The following SPAG16 variants were observed in gnomAD, a reference collection of about 807,000 sequenced individuals.
The protein encoded by SPAG16 is sperm-associated antigen 16 protein.
In SPAG16, 86 loss-of-function variants were observed where a neutral mutation model predicts 80.4. That is an observed-to-expected ratio of 1.07 (90% CI 0.90 to 1.28). The LOEUF is 1.28. Ranked by LOEUF, SPAG16 falls within the 50% of genes most tolerant of loss-of-function variation. SPAG16 has a pLI of 0.00. For missense variants in SPAG16, 870 were observed against 765.3 expected (o/e 1.14, Z -1.61); for synonymous variants, 294 against 265.9 (o/e 1.11, Z -1.03).
intron 10 of SPAG16, among the ~76,000 whole-genome samples, chr2:213,770,325 G>T (rs1016701272): frequency 5.9e-5 from 9 of 151,936 alleles, no homozygotes; most frequent in African/African-American, 2.2e-4. Flanking sequence ...ATCATGATAG[G>T]TGCATGTTTA....
chr2:213,894,430 A>G (rs563709361), intron 11 of SPAG16, among the ~76,000 whole-genome samples: 2 of 152,284 alleles, frequency 1.3e-5, no homozygotes, highest in East Asian at 3.9e-4. Context: ...TGGATGTAGA[A>G]GGAACATGCC....
intron 12 of SPAG16, among the ~76,000 whole-genome samples, chr2:213,980,633 G>T (rs1289945627): frequency 7.0e-6 from 1 of 143,122 alleles, no homozygotes; most frequent in Non-Finnish European, 1.5e-5. Flanking sequence ...TAGAATATAT[G>T]TGTGTATATA....
chr2:214,023,140 T>C (rs2047962532), intron 13 of SPAG16, among the ~76,000 whole-genome samples: 1 of 151,986 alleles, frequency 6.6e-6, no homozygotes, highest in African/African-American at 2.4e-5. Flanking sequence ...TGGGTATCTC[T>C]GTAGCTTGCA....
intron 8 of SPAG16, among the ~76,000 whole-genome samples, chr2:213,366,640 C>A (rs2066306157): frequency 6.6e-6 from 1 of 152,118 alleles, no homozygotes; most frequent in African/African-American, 2.4e-5. Flanking sequence ...TCAAATACCT[C>A]CCACCTGGTC....
At chr2:214,189,644 G>T (rs550217312) in intron 15 of SPAG16, among the ~76,000 whole-genome samples, 66 of 151,666 alleles carry the variant, frequency 4.4e-4, no homozygotes, top group Middle Eastern at 3.4e-3. Context: ...ATTTTTTTTT[G>T]TATTGAATGC....
intron 12 of SPAG16, among the ~76,000 whole-genome samples, chr2:213,982,020 T>A (rs1406141900): frequency 6.6e-6 from 1 of 151,488 alleles, no homozygotes; most frequent in Admixed American, 6.6e-5. Context: ...AGAGAAAATA[T>A]TGACTATACT....
At chr2:213,699,525 T>C (rs1463775220) in intron 10 of SPAG16, among the ~76,000 whole-genome samples, 1 of 152,162 alleles carries the variant, frequency 6.6e-6, no homozygotes, top group Non-Finnish European at 1.5e-5. Context: ...ACTAATAATA[T>C]GGGCTAATGG....
At chr2:214,174,074 C>G (rs562725988) in intron 15 of SPAG16, among the ~76,000 whole-genome samples, 2 of 152,058 alleles carry the variant, frequency 1.3e-5, no homozygotes, top group East Asian at 3.9e-4. Flanking sequence ...TGGGACGTAT[C>G]TCAAAATAAT....
At chr2:213,871,296 G>A (rs542869577) in intron 11 of SPAG16, among the ~76,000 whole-genome samples, 1 of 152,142 alleles carries the variant, frequency 6.6e-6, no homozygotes, top group South Asian at 2.1e-4. Context: ...GAATATGGGG[G>A]GAGAGGAGGG....
chr2:214,148,166 G>T lies in SPAG16; in HGVS notation c.1594-974G>T, dbSNP rs949749430. 4.6e-5 allele frequency among the ~76,000 whole-genome samples: 7 copies of T among 152,126 alleles called. No homozygotes were observed. The East Asian group carries it at 1.3e-3, about 29-fold the overall frequency. ...CTCATTCAATTTGTGAGTGGACAAA[G>T]AAATTAAATGACCAGAATGATGAGA... On this transcript the variant is annotated intron_variant, in intron 14 of 15. Transcript: ENST00000331683.
intron 11 of SPAG16, among the ~76,000 whole-genome samples, chr2:213,904,796 A>G (rs2077370382): frequency 6.6e-6 from 1 of 152,018 alleles, no homozygotes. Flanking sequence ...ATGTGGCTAG[A>G]GTAGAAGGAA....
chr2:214,188,185 G>C (rs1374631316), intron 15 of SPAG16, among the ~76,000 whole-genome samples: 1 of 152,108 alleles, frequency 6.6e-6, no homozygotes, highest in Non-Finnish European at 1.5e-5. Context: ...GCCAAGGCTA[G>C]AATGAAAGTC....
chr2:213,442,470 T>C (rs1274841584), intron 9 of SPAG16, among the ~76,000 whole-genome samples: 1 of 152,126 alleles, frequency 6.6e-6, no homozygotes, highest in Non-Finnish European at 1.5e-5. Flanking sequence ...CAACACAGTA[T>C]GAAGGAGAAC....
At chr2:214,247,676 A>G (rs1689944468) in intron 15 of SPAG16, among the ~76,000 whole-genome samples, 1 of 152,162 alleles carries the variant, frequency 6.6e-6, no homozygotes, top group African/African-American at 2.4e-5. Context: ...TGGACTAGGT[A>G]TATGGGAGGA....
At chr2:213,311,391 G>A (rs2063180171) in intron 4 of SPAG16, among the ~76,000 whole-genome samples, 1 of 151,690 alleles carries the variant, frequency 6.6e-6, no homozygotes, top group Non-Finnish European at 1.5e-5. Context: ...GACATGTGAT[G>A]CTTATATGTT....
chr2:213,494,365 G>A (rs2074393003), intron 10 of SPAG16, among the ~76,000 whole-genome samples: 1 of 152,250 alleles, frequency 6.6e-6, no homozygotes. Context: ...TCCCCCAAAA[G>A]ACCTAATCTT....
At chr2:213,620,660 G>A (rs1279165816) in intron 10 of SPAG16, among the ~76,000 whole-genome samples, 1 of 152,058 alleles carries the variant, frequency 6.6e-6, no homozygotes, top group Non-Finnish European at 1.5e-5. Flanking sequence ...TTTGATAAAT[G>A]TTTGAGGTTA....
chr2:213,588,283 G>A (rs564446312), intron 10 of SPAG16, among the ~76,000 whole-genome samples: 85 of 151,962 alleles, frequency 5.6e-4, no homozygotes, highest in African/African-American at 2.0e-3. Context: ...TTTATATGTT[G>A]TTCATTACTA....
At chr2:213,285,058 A>G (rs2062005143) in intron 1 of SPAG16, among the ~76,000 whole-genome samples, 2 of 152,212 alleles carry the variant, frequency 1.3e-5, no homozygotes, top group Non-Finnish European at 2.9e-5. Flanking sequence ...ATTGGACTTT[A>G]AGGAGCTGAA....
Sources: gnomAD v4.1 joint callset for allele counts (sites outside exome capture counted in the v4.1 genomes callset) on GRCh38, gnomAD v4.1.1 for gene constraint, MANE v1.5 for transcripts, NCBI Gene and HGNC (gene_info 2026-07-23, HGNC 2026-07-21) for gene names.